The following USP2 variants were observed in gnomAD, a reference collection of about 807,000 sequenced individuals.
USP2 encodes the protein ubiquitin carboxyl-terminal hydrolase 2.
USP2 carries 33 observed loss-of-function variants against 72.0 expected under a neutral mutation model. That is an observed-to-expected ratio of 0.46 (90% CI 0.35 to 0.61). The LOEUF is 0.61. Ranked by LOEUF, USP2 falls within the 20% of genes least tolerant of loss-of-function variation. The pLI, the probability that USP2 is intolerant of heterozygous loss-of-function variation, is 0.01. For synonymous variants in USP2, 296 were observed against 312.5 expected (o/e 0.95, Z 0.56); for missense variants, 691 against 797.8 (o/e 0.87, Z 1.61).
chr11:119,376,498 T>G, intron 1 of USP2: 1 of 813,016 alleles, frequency 1.2e-6, no homozygotes, highest in African/African-American at 1.9e-5. Context: ...AGCTGGCAAG[T>G]ACAGGCATGC....
intron 2 of USP2, among the ~76,000 whole-genome samples, chr11:119,365,006 G>C: frequency 6.6e-6 from 1 of 152,182 alleles, no homozygotes; most frequent in East Asian, 1.9e-4. Flanking sequence ...GTTCTACTCT[G>C]GCGTCAAGCA....
At chr11:119,357,626 T>C in intron 10 of USP2, 36 bp from the exon 11 acceptor site, 1 of 1,614,088 alleles carries the variant, frequency 6.2e-7, no homozygotes, top group Non-Finnish European at 8.5e-7. Context: ...GTCAAACCAA[T>C]GCAGAAGGGC....
At chr11:119,365,821 G>T (rs773549789) in intron 2 of USP2, among the ~76,000 whole-genome samples, 10 of 152,094 alleles carry the variant, frequency 6.6e-5, no homozygotes, top group Non-Finnish European at 1.3e-4. Context: ...ACTGGGTTAA[G>T]GGTTTTATAT....
In USP2 at chr11:119,356,926, C is replaced by T. The variant is rs1359311868; in HGVS notation, c.1731-4G>A. 3 of 1,555,096 alleles carry T rather than the reference C, an allele frequency of 1.9e-6. No homozygotes were observed. Among genetic ancestry groups the T allele is most frequent in the South Asian group, 1.2e-5 (1 of 84,402 alleles). ...GCTGGAGGACATGGGAGTGACGCTGCGGAGAGAGCGGGGAGTCAGCCCGGA... is the reference window on the plus strand; with the variant it reads ...GCTGGAGGACATGGGAGTGACGCTGTGGAGAGAGCGGGGAGTCAGCCCGGA... On this transcript the variant is annotated splice_polypyrimidine_tract_variant and splice_region_variant and intron_variant, in intron 12 of 12. Transcript: ENST00000260187.
chr11:119,381,530 G>C lies in USP2; in HGVS notation c.-99C>G, dbSNP rs1014059983. On this transcript the variant is annotated 5_prime_UTR_variant, in exon 1 of 13. Coordinates refer to ENST00000260187, the MANE Select transcript of USP2 (RefSeq NM_004205.5). ...CGGGCACAAGCATGGAGCTGCGGGT[G>C]AGTCCCGGCTGGCGCTGGCGCGGCG... 2.0e-6 allele frequency: 3 copies of C among 1,536,044 alleles called. No homozygotes were observed. The highest frequency in any genetic ancestry group is 2.7e-5 in the African/African-American group (2 of 73,066).
intron 2 of USP2, among the ~76,000 whole-genome samples, chr11:119,371,070 A>G (rs1950919330): frequency 6.6e-6 from 1 of 152,102 alleles, no homozygotes; most frequent in Non-Finnish European, 1.5e-5. Flanking sequence ...AGATCACCCA[A>G]AGAGCTTGTG....
rs200005535 is a variant in USP2, at chr11:119,358,863, T to C, written c.1173-26A>G. The stretch of plus-strand genomic sequence containing the variant: ...CTGGGAACCAGAGAGAGACAACAAT[T>C]GGGTCAAAGCTCAAAACTTAAGTTT... On this transcript the variant is annotated intron_variant, in intron 6 of 12. Transcript: ENST00000260187. 1.7e-4 allele frequency: 279 copies of C among 1,613,672 alleles called. 1 individual carries two copies. In the East Asian group the frequency reaches 4.9e-3, roughly 28 times the overall value.
At chr11:119,372,230 TG>T (rs1285154752) in intron 2 of USP2, among the ~76,000 whole-genome samples, 1 of 152,218 alleles carries the variant, frequency 6.6e-6, no homozygotes, top group Non-Finnish European at 1.5e-5. Context: ...CTTCCCCTGA[TG>T]TCTTATGTCC....
chr11:119,360,144 G>C lies in USP2; in HGVS notation c.825+40C>G, dbSNP rs764297610. On this transcript the variant is annotated intron_variant, in intron 3 of 12. Coordinates refer to ENST00000260187, the MANE Select transcript of USP2 (RefSeq NM_004205.5). ...TATATGGCTCCAGTCAGCATAGTAG[G>C]GGGTGGGCCTGGGGAAGAAGCAGGC... is the stretch of plus-strand genomic sequence containing the variant. The C allele has an allele frequency of 4.4e-5, 70 of 1,608,672 alleles. No homozygotes were observed. In the South Asian group the frequency reaches 6.5e-4, roughly 15 times the overall value.
chr11:119,381,202 C>CG (rs1951054912), intron 1 of USP2, among the ~76,000 whole-genome samples: 2 of 152,120 alleles, frequency 1.3e-5, no homozygotes, highest in Non-Finnish European at 2.9e-5. Context: ...CCGATATACA[C>CG]GGGGCACAGC....
At chr11:119,367,128 A>G (rs995026863) in intron 2 of USP2, among the ~76,000 whole-genome samples, 2 of 152,126 alleles carry the variant, frequency 1.3e-5, no homozygotes, top group Non-Finnish European at 2.9e-5. Flanking sequence ...GATGGATACA[A>G]AGGATAGAGG....
chr11:119,368,800 C>T (rs1950888546), intron 2 of USP2, among the ~76,000 whole-genome samples: 1 of 152,184 alleles, frequency 6.6e-6, no homozygotes, highest in Admixed American at 6.5e-5. Flanking sequence ...GGGCCAACCC[C>T]TGGATCTTCT....
At chr11:119,380,799 TG>T (rs1441929144) in intron 1 of USP2, 1 of 157,554 alleles carries the variant, frequency 6.3e-6, no homozygotes, top group Non-Finnish European at 1.4e-5. Flanking sequence ...GGGGTCCATC[TG>T]GGGGATGTTC....
intron 11 of USP2, 63 bp downstream of exon 11, chr11:119,357,420 G>C: frequency 6.2e-7 from 1 of 1,607,638 alleles, no homozygotes; most frequent in Non-Finnish European, 8.5e-7. Context: ...CCTTCCTCCT[G>C]CCCTCCCTCC....
At chr11:119,364,548 C>T (rs538573706) in intron 2 of USP2, among the ~76,000 whole-genome samples, 115 of 152,356 alleles carry the variant, frequency 7.5e-4, no homozygotes, top group Middle Eastern at 3.4e-3. Flanking sequence ...TCCCCCAAGG[C>T]ACCATTACAC....
At chr11:119,369,460 A>C (rs188440727) in intron 2 of USP2, among the ~76,000 whole-genome samples, 12 of 152,180 alleles carry the variant, frequency 7.9e-5, no homozygotes, top group Non-Finnish European at 1.6e-4. Context: ...AGCTCCAGTC[A>C]GCTATCCTGA....
intron 1 of USP2, among the ~76,000 whole-genome samples, chr11:119,376,789 C>T (rs887491904): frequency 6.6e-6 from 1 of 152,272 alleles, no homozygotes; most frequent in Admixed American, 6.5e-5. Context: ...ATGTTGAGTA[C>T]TTCACATGCA....
At chr11:119,357,029 C>G in intron 12 of USP2, 107 bp from the exon 13 acceptor site, 1 of 1,450,450 alleles carries the variant, frequency 6.9e-7, no homozygotes, top group Admixed American at 2.1e-5. Context: ...CAGGGAGCCT[C>G]CCCACGGGCA....
At chr11:119,373,724 T>C (rs558014970) in intron 1 of USP2, among the ~76,000 whole-genome samples, 1 of 151,864 alleles carries the variant, frequency 6.6e-6, no homozygotes, top group East Asian at 1.9e-4. Context: ...TCGGTGAGAG[T>C]GCGAGGGATG....
Sources: allele counts gnomAD v4.1 joint callset (sites outside exome capture counted in the v4.1 genomes callset), GRCh38; gene constraint gnomAD v4.1.1; transcripts MANE v1.5; gene names NCBI Gene and HGNC (gene_info 2026-07-23, HGNC 2026-07-21).